DNAH14: variants seen among roughly 807,000 people sequenced by gnomAD.
DNAH14 encodes dynein axonemal heavy chain 14.
A neutral mutation model predicts 520.9 loss-of-function variants in DNAH14; 478 were observed. That is an observed-to-expected ratio of 0.92 (90% CI 0.85 to 0.99). DNAH14 has a LOEUF of 0.99. Among genes scored for constraint, DNAH14 ranks in the 50% least tolerant of loss-of-function variants. The pLI is 0.00. For synonymous variants in DNAH14, 1,581 were observed against 1,757.2 expected (o/e 0.90, Z 2.51); for missense variants, 4,831 against 5,234.5 (o/e 0.92, Z 2.38).
intron 37 of DNAH14, among the ~76,000 whole-genome samples, chr1:225,188,566 T>C (rs963500355): frequency 9.9e-5 from 15 of 152,006 alleles, no homozygotes; most frequent in African/African-American, 3.6e-4. Flanking sequence ...TGCCTTGGAA[T>C]GTATCCCCTG....
chr1:225,071,310 A>G (rs1385697862), intron 17 of DNAH14, among the ~76,000 whole-genome samples: 2 of 152,144 alleles, frequency 1.3e-5, no homozygotes, highest in African/African-American at 2.4e-5. Flanking sequence ...TTTTTACAGT[A>G]GTTGGTAATG....
intron 49 of DNAH14, 61 bp downstream of exon 49, chr1:225,266,830 T>G: frequency 7.2e-7 from 1 of 1,394,216 alleles, no homozygotes; most frequent in Non-Finnish European, 9.4e-7. Flanking sequence ...AAATTAAATG[T>G]TTATAACAAT....
intron 27 of DNAH14, among the ~76,000 whole-genome samples, chr1:225,132,519 T>G (rs1450756950): frequency 1.3e-5 from 2 of 152,186 alleles, no homozygotes; most frequent in African/African-American, 4.8e-5. Flanking sequence ...GACTCCCAGA[T>G]CCATCCATGT....
chr1:225,302,888 A>G (rs1311115763), intron 56 of DNAH14, among the ~76,000 whole-genome samples: 1 of 152,148 alleles, frequency 6.6e-6, no homozygotes, highest in Non-Finnish European at 1.5e-5. Context: ...CATCTGACAT[A>G]AAGTCCCCTA....
intron 17 of DNAH14, among the ~76,000 whole-genome samples, chr1:225,056,485 G>T (rs2069115553): frequency 6.6e-6 from 1 of 152,106 alleles, no homozygotes; most frequent in Non-Finnish European, 1.5e-5. Flanking sequence ...TAGGTTGCCT[G>T]TTCACTCTGA....
chr1:225,027,003 A>AT (rs542399288), intron 11 of DNAH14, among the ~76,000 whole-genome samples: 66 of 151,818 alleles, frequency 4.3e-4, no homozygotes, highest in Non-Finnish European at 3.1e-4. Flanking sequence ...GTATTTTATC[A>AT]TTTTTTATGC....
chr1:225,044,968 TGTAAATAAG>T (rs2067815728), intron 15 of DNAH14, among the ~76,000 whole-genome samples: 2 of 16,166 alleles, frequency 1.2e-4, no homozygotes, highest in Admixed American at 2.1e-3. Context: ...CTTTTAATAA[TGTAAATAAG>T]AAGTCTGATG....
intron 56 of DNAH14, among the ~76,000 whole-genome samples, chr1:225,301,317 T>C (rs1159289249): frequency 1.3e-5 from 2 of 152,172 alleles, no homozygotes; most frequent in Non-Finnish European, 2.9e-5. Context: ...GTGTAAGTAT[T>C]TGTGTAAGTA....
chr1:225,183,110 T>C (rs755764397), intron 36 of DNAH14, among the ~76,000 whole-genome samples: 4 of 152,216 alleles, frequency 2.6e-5, no homozygotes, highest in South Asian at 2.1e-4. Context: ...CCTTGGAACC[T>C]AGTACCAGCT....
chr1:225,324,949 T>C, intron 64 of DNAH14, 117 bp downstream of exon 64: 3 of 589,830 alleles, frequency 5.1e-6, no homozygotes, highest in Non-Finnish European at 2.6e-6. Flanking sequence ...AGTGAAAAGA[T>C]TAATTGTGAG....
At chr1:225,028,752 C>T (rs1572567017) in intron 11 of DNAH14, among the ~76,000 whole-genome samples, 1 of 152,080 alleles carries the variant, frequency 6.6e-6, no homozygotes, top group East Asian at 1.9e-4. Context: ...CACAATGAGA[C>T]ACTTTTACAT....
In DNAH14 at chr1:225,168,028, G is replaced by A. The variant is rs2082201822; in HGVS notation, c.5535G>A (p.Gln1845=). The A allele has an allele frequency of 6.7e-7, 1 of 1,497,214 alleles. No homozygotes were observed. The highest frequency in any genetic ancestry group is 9.0e-7 in the Non-Finnish European group (1 of 1,108,186). 92.7% of individuals were successfully genotyped at this position (1,497,214 alleles called of 1,614,324 possible). ...TTATACAGTTTTATAATCAACTTCA[G>A]GTAAGTATAAAATGGCATGTTAGCA... ...EKIIQFYNQL[Q]VCVGVMLVGP... Residue 1845 remains glutamine, a splice_region_variant and synonymous_variant, in exon 36 of 86, where the codon CAG becomes CAA. Transcript: ENST00000682510.
chr1:224,981,433 G>T (rs1023769241), intron 8 of DNAH14, among the ~76,000 whole-genome samples: 13 of 151,602 alleles, frequency 8.6e-5, no homozygotes, highest in Admixed American at 8.5e-4. Context: ...TTTTTTTGCT[G>T]GTAATTTTAA....
At chr1:225,054,418 G>A (rs1035342142) in intron 17 of DNAH14, among the ~76,000 whole-genome samples, 2 of 151,970 alleles carry the variant, frequency 1.3e-5, no homozygotes, top group Non-Finnish European at 2.9e-5. Flanking sequence ...CCAAATGTCC[G>A]TTCTTCATTT....
At chr1:225,317,538 C>T (rs1175782895) in intron 60 of DNAH14, among the ~76,000 whole-genome samples, 1 of 151,994 alleles carries the variant, frequency 6.6e-6, no homozygotes, top group African/African-American at 2.4e-5. Flanking sequence ...TTGAAACACT[C>T]CAAAACATCT....
chr1:225,107,097 T>G (rs1338999227), intron 23 of DNAH14, among the ~76,000 whole-genome samples: 1 of 152,208 alleles, frequency 6.6e-6, no homozygotes, highest in African/African-American at 2.4e-5. Context: ...CTTCTAACAG[T>G]CAGGACCCTC....
intron 5 of DNAH14, 78 bp downstream of exon 5, chr1:224,964,687 A>G: frequency 8.0e-7 from 1 of 1,254,310 alleles, no homozygotes; most frequent in Non-Finnish European, 1.1e-6. Flanking sequence ...TTCATTTCAG[A>G]TATTATGTCA....
intron 74 of DNAH14, among the ~76,000 whole-genome samples, chr1:225,360,228 T>G (rs1014797757): frequency 1.3e-5 from 2 of 152,252 alleles, no homozygotes; most frequent in Non-Finnish European, 2.9e-5. Flanking sequence ...GCACCACATT[T>G]TCTTTATCTA....
In DNAH14 at chr1:225,358,508, A is replaced by C. The variant is rs1225934258; in HGVS notation, c.11632A>C (p.Arg3878=). Residue 3878 remains arginine (R), a synonymous_variant, in exon 74 of 86, where the codon AGA becomes CGA. Transcript: ENST00000682510. ...FQRLILVKVL[R]PESLNNSVRK... is the part of the protein sequence containing the mutation. ...TTTTCTTTTTTAGGTAAAAGTTCTT[A>C]GACCAGAAAGTTTAAACAATTCAGT... 6.6e-7 allele frequency: 1 copy of C among 1,520,300 alleles called. No individual in the cohort carries two copies. Among genetic ancestry groups the C allele is most frequent in the Non-Finnish European group, 8.8e-7 (1 of 1,135,510 alleles). The allele number at this position is 1,520,300 out of a possible 1,614,324, so 94.2% of individuals were successfully genotyped here.
Sources: allele counts gnomAD v4.1 joint callset (sites outside exome capture counted in the v4.1 genomes callset), GRCh38; gene constraint gnomAD v4.1.1; transcripts MANE v1.5; gene names NCBI Gene and HGNC (gene_info 2026-07-23, HGNC 2026-07-21).